The following KCNT2 variants were observed in gnomAD, a reference collection of about 807,000 sequenced individuals.
KCNT2 encodes the protein potassium channel subfamily T member 2.
KCNT2 carries 67 observed loss-of-function variants against 153.8 expected under a neutral mutation model. The observed-to-expected ratio is 0.44, with a 90% CI of 0.36 to 0.53. KCNT2 has a LOEUF of 0.53. KCNT2 is among the 20% of genes least tolerant of loss of function. The probability of loss-of-function intolerance (pLI) is 0.00; values close to 1 mark genes in which losing one functional copy is unlikely to be tolerated. For missense variants in KCNT2, 975 were observed against 1,354.8 expected, an observed-to-expected ratio of 0.72 and a Z score of 4.40; for synonymous variants, 500 against 458.8, an observed-to-expected ratio of 1.09 and a Z score of -1.15.
In KCNT2 at chr1:196,435,342, A is replaced by G. The variant is rs542425949; in HGVS notation, c.639-5585T>C. On this transcript the variant is annotated intron_variant, in intron 8 of 27. Transcript: ENST00000294725. ...ATAGGCTTTACTTTTCCTAGTAACT[A>G]GTATTTATAACTCCAGCCTTTGTTT... Among the ~76,000 whole-genome samples, 3 of 150,500 alleles carry G rather than the reference A, an allele frequency of 2.0e-5. No individual in the cohort carries two copies. The Admixed American group carries it at 2.0e-4, about 10-fold the overall frequency.
At chr1:196,501,127 A>C (rs981220832) in intron 1 of KCNT2, among the ~76,000 whole-genome samples, 2 of 152,228 alleles carry the variant, frequency 1.3e-5, no homozygotes, top group African/African-American at 4.8e-5. Context: ...TACAATCTCT[A>C]TGGTAAACAG....
At chr1:196,534,313 C>T (rs1655286894) in intron 1 of KCNT2, among the ~76,000 whole-genome samples, 1 of 152,080 alleles carries the variant, frequency 6.6e-6, no homozygotes, top group Non-Finnish European at 1.5e-5. Context: ...TCCTACTAGA[C>T]TCTGTGGAAA....
At chr1:196,416,435 G>T (rs1672758967) in intron 12 of KCNT2, among the ~76,000 whole-genome samples, 1 of 152,024 alleles carries the variant, frequency 6.6e-6, no homozygotes, top group South Asian at 2.1e-4. Flanking sequence ...TATATATAGG[G>T]TTTGGTACTA....
intron 12 of KCNT2, chr1:196,404,082 A>G (rs895065531): frequency 1.2e-5 from 10 of 834,194 alleles, no homozygotes; most frequent in African/African-American, 9.3e-5. Flanking sequence ...CCTTTTCCCA[A>G]AAGAAAATAC....
chr1:196,604,543 T>C (rs375881295), intron 1 of KCNT2, among the ~76,000 whole-genome samples: 3 of 152,206 alleles, frequency 2.0e-5, no homozygotes, highest in Non-Finnish European at 4.4e-5. Flanking sequence ...ATTTATTTCA[T>C]GGCCTCACAG....
intron 1 of KCNT2, among the ~76,000 whole-genome samples, chr1:196,501,925 C>G (rs1011241912): frequency 1.4e-4 from 21 of 152,214 alleles, no homozygotes; most frequent in African/African-American, 4.8e-4. Flanking sequence ...TTGAGACCAG[C>G]CTGGGCAACA....
chr1:196,582,055 T>C (rs1019596171), intron 1 of KCNT2, among the ~76,000 whole-genome samples: 1 of 152,110 alleles, frequency 6.6e-6, no homozygotes, highest in Non-Finnish European at 1.5e-5. Context: ...ATTTAATATT[T>C]ACTTATCAAC....
At chr1:196,558,897 T>G (rs1379548143) in intron 1 of KCNT2, among the ~76,000 whole-genome samples, 2 of 151,582 alleles carry the variant, frequency 1.3e-5, no homozygotes, top group African/African-American at 4.8e-5. Context: ...TTATATAAAC[T>G]TTTAAGAAAA....
intron 3 of KCNT2, among the ~76,000 whole-genome samples, chr1:196,488,833 T>C (rs1679636134): frequency 6.6e-6 from 1 of 151,988 alleles, no homozygotes; most frequent in Admixed American, 6.6e-5. Context: ...AGCATGGTTC[T>C]TGCCCTTGGT....
At chr1:196,516,554 C>T (rs1682071926) in intron 1 of KCNT2, among the ~76,000 whole-genome samples, 1 of 152,198 alleles carries the variant, frequency 6.6e-6, no homozygotes, top group African/African-American at 2.4e-5. Context: ...CCATTCTTGC[C>T]TTTGGGCTTT....
rs569405142 is a variant in KCNT2, at chr1:196,273,876, A to G, written c.2910+6984T>C. 2.6e-5 allele frequency among the ~76,000 whole-genome samples: 4 copies of G among 151,762 alleles called. No individual in the cohort carries two copies. The South Asian group carries it at 8.3e-4, about 31-fold the overall frequency. Reference sequence around the variant, plus strand: ...AAATGTACTCCATACACTATAAATGATATTGGTACATTAATATGCTTTAAG... The same window carrying G: ...AAATGTACTCCATACACTATAAATGGTATTGGTACATTAATATGCTTTAAG... On this transcript the variant is annotated intron_variant, in intron 25 of 27. Coordinates refer to ENST00000294725, the MANE Select transcript of KCNT2 (RefSeq NM_198503.5).
At chr1:196,512,250 T>C (rs115342032) in intron 1 of KCNT2, among the ~76,000 whole-genome samples, 1,700 of 152,258 alleles carry the variant, frequency 0.011, 24 homozygotes, top group South Asian at 0.063. Flanking sequence ...CAGCTGGCTC[T>C]TTCTGCTCTA....
chr1:196,398,227 T>C (rs185013251), intron 13 of KCNT2, among the ~76,000 whole-genome samples: 1 of 151,598 alleles, frequency 6.6e-6, no homozygotes, highest in Admixed American at 6.6e-5. Context: ...TGTAAACCTA[T>C]GTATAAATGA....
intron 8 of KCNT2, among the ~76,000 whole-genome samples, chr1:196,434,612 A>G (rs563949528): frequency 3.9e-5 from 6 of 152,140 alleles, no homozygotes; most frequent in African/African-American, 1.2e-4. Context: ...ATAGCTGCCA[A>G]CAAATGAAGT....
intron 5 of KCNT2, among the ~76,000 whole-genome samples, chr1:196,476,433 G>C (rs1280007986): frequency 1.3e-5 from 2 of 151,778 alleles, no homozygotes; most frequent in African/African-American, 2.4e-5. Context: ...TGTCAATCAG[G>C]ACATATTTAT....
intron 23 of KCNT2, among the ~76,000 whole-genome samples, chr1:196,284,170 G>T (rs1362381386): frequency 1.4e-5 from 2 of 139,852 alleles, no homozygotes; most frequent in African/African-American, 5.3e-5. Flanking sequence ...GCTAGAGGTT[G>T]CAGTGAGCCG....
chr1:196,334,267 T>C (rs1664775521), intron 16 of KCNT2, among the ~76,000 whole-genome samples: 1 of 151,962 alleles, frequency 6.6e-6, no homozygotes, highest in Non-Finnish European at 1.5e-5. Context: ...AAAATCTCTA[T>C]TTGCACAAAA....
intron 14 of KCNT2, among the ~76,000 whole-genome samples, chr1:196,357,623 T>C (rs964193519): frequency 6.6e-6 from 1 of 151,818 alleles, no homozygotes; most frequent in African/African-American, 2.4e-5. Context: ...TGTTTTGGAA[T>C]TGAGCTAAGG....
chr1:196,262,697 T>C (rs748649011), intron 25 of KCNT2, among the ~76,000 whole-genome samples: 15 of 152,064 alleles, frequency 9.9e-5, no homozygotes, highest in Non-Finnish European at 1.9e-4. Flanking sequence ...GTACACGTGG[T>C]CTGTGATCTA....
Sources: gnomAD v4.1 joint callset for allele counts (sites outside exome capture counted in the v4.1 genomes callset) on GRCh38, gnomAD v4.1.1 for gene constraint, MANE v1.5 for transcripts, NCBI Gene and HGNC (gene_info 2026-07-23, HGNC 2026-07-21) for gene names.